Variants in RCCD1 observed in about 807,000 individuals in gnomAD.
RCCD1 encodes the protein RCC1 domain containing 1.
In RCCD1, 40 loss-of-function variants were observed where a neutral mutation model predicts 37.6. The ratio of observed to expected loss-of-function variants is 1.06; its 90% confidence interval spans 0.83 to 1.39. RCCD1 has a LOEUF of 1.39. Ranked by LOEUF, RCCD1 falls within the 40% of genes most tolerant of loss-of-function variation. RCCD1 has a pLI of 0.00. For synonymous variants in RCCD1, 263 were observed against 230.0 expected (o/e 1.14, Z -1.30); for missense variants, 577 against 517.3 (o/e 1.12, Z -1.12).
rs1391134161 is a variant in RCCD1, at chr15:90,957,325, G to A, written c.379G>A (p.Gly127Ser). The A allele has an allele frequency of 6.5e-7, 1 of 1,542,952 alleles. No individual in the cohort carries two copies. The highest frequency in any genetic ancestry group is 8.7e-7 in the Non-Finnish European group (1 of 1,143,048). The change falls in exon 3 of 8, where the codon GGT (glycine) becomes AGT (serine). Residue 127 changes from glycine (G) to serine (S), a missense_variant. Transcript: ENST00000394258. The stretch of plus-strand genomic sequence containing the variant: ...GGCCGAAGGGGAAGACGATCCGGCC[G>A]GTGAGGCCCAGGCTGGGAGGCTACC... The part of the protein sequence containing the change: ...PEAEGEDDPA[G>S]EAQAGRLPLL...
Position 90,957,595 on chromosome 15 carries a change from C to A in RCCD1, c.558-9C>A. 1 of 1,614,046 alleles carries A rather than the reference C, an allele frequency of 6.2e-7. No individual in the cohort carries two copies. The highest frequency in any genetic ancestry group is 8.5e-7 in the Non-Finnish European group (1 of 1,180,016). ...GCGACTGTAGCTGACGACGGTCTCC[C>A]TTGCTCAGGCATGGACAGCTGGGCC... On this transcript the variant is annotated splice_polypyrimidine_tract_variant and intron_variant, in intron 3 of 7. Transcript: ENST00000394258.
chr15:90,960,522 T>C (rs1867220), intron 6 of RCCD1, 24 bp downstream of exon 6: 634,348 of 1,591,534 alleles, frequency 0.4, 154,343 homozygotes, highest in East Asian at 1. Flanking sequence ...GGAGGCACTC[T>C]GCTCCACTCG....
At chr15:90,960,685 TCTTC>T (rs1402817422) in intron 6 of RCCD1, 187 bp downstream of exon 6, 1 of 635,872 alleles carries the variant, frequency 1.6e-6, no homozygotes, top group Non-Finnish European at 2.7e-6. Context: ...CCCAGAAGTT[TCTTC>T]CTTCTGGTGG....
At position 90,960,330 on chromosome 15, in the gene RCCD1, A is replaced by G. The variant is rs2037288279; in HGVS notation, c.781A>G (p.Thr261Ala). The G allele has an allele frequency of 6.2e-7, 1 of 1,600,930 alleles. No homozygotes were observed. Among genetic ancestry groups the G allele is most frequent in the Non-Finnish European group, 8.5e-7 (1 of 1,173,096 alleles). Reference sequence around the variant, plus strand: ...ACATCATTATTATCATTCTGAAGCCACAGAACTGAATGAAGATGGTTCTCA... The same window carrying G: ...ACATCATTATTATCATTCTGAAGCCGCAGAACTGAATGAAGATGGTTCTCA... ...EDGETVAREA[T>A]ELNEDGSQVK... Residue 261 changes from threonine (T) to alanine (A), a missense_variant and splice_region_variant, in exon 6 of 8, where the codon ACA (threonine) becomes GCA (alanine). Transcript: ENST00000394258.
At position 90,961,510 on chromosome 15, in the gene RCCD1, G is replaced by A. The variant is rs1025531401; in HGVS notation, c.980-108G>A. 1.7e-5 allele frequency: 22 copies of A among 1,286,924 alleles called. No homozygotes were observed. In the Admixed American group the frequency reaches 2.6e-4, roughly 15 times the overall value. 79.7% of individuals were successfully genotyped at this position (1,286,924 alleles called of 1,614,324 possible). On this transcript the variant is annotated intron_variant, in intron 7 of 7. Coordinates refer to ENST00000394258, the MANE Select transcript of RCCD1 (RefSeq NM_001017919.2). Reference sequence around the variant, plus strand: ...CTGGGTCTCTTGGATTCACAGAGCAGTGGGGCATAATCCCAGCACTTCATT... The same window carrying A: ...CTGGGTCTCTTGGATTCACAGAGCAATGGGGCATAATCCCAGCACTTCATT...
At chr15:90,959,719 T>C (rs1302622334) in intron 4 of RCCD1, 181 bp from the exon 5 acceptor site, 6 of 483,194 alleles carry the variant, frequency 1.2e-5, no homozygotes, top group East Asian at 6.5e-5. Flanking sequence ...TCTGAAGGCA[T>C]TGAGGGGATG....
chr15:90,958,041 G>A (rs1401886169), intron 4 of RCCD1, among the ~76,000 whole-genome samples: 4 of 152,212 alleles, frequency 2.6e-5, no homozygotes, highest in African/African-American at 7.2e-5. Context: ...GTGTGAGGGG[G>A]CAGCTGAGCC....
chr15:90,961,821 A>T lies in RCCD1; in HGVS notation c.*52A>T. ...ACCTGTGAGACCCCCATTCAGGTCA[A>T]GGAAAACCATTGCCTGCACCCCAAG... is the stretch of plus-strand genomic sequence containing the variant. On this transcript the variant is annotated 3_prime_UTR_variant, in exon 8 of 8. Transcript: ENST00000394258. 1.3e-6 allele frequency: 2 copies of T among 1,567,400 alleles called. No homozygotes were observed. Among genetic ancestry groups the T allele is most frequent in the Non-Finnish European group, 8.7e-7 (1 of 1,151,312 alleles).
chr15:90,961,377 G>A, intron 7 of RCCD1: 2 of 584,640 alleles, frequency 3.4e-6, no homozygotes, highest in South Asian at 2.1e-5. Flanking sequence ...CGATGGAAGT[G>A]TGTGCTCTGA....
At chr15:90,956,518 G>C in intron 1 of RCCD1, 94 bp from the exon 2 acceptor site, 2 of 403,204 alleles carry the variant, frequency 5.0e-6, no homozygotes, top group Non-Finnish European at 8.6e-6. Context: ...TTGTAAATCC[G>C]GTAGGGCATT....
Position 90,957,401 on chromosome 15 carries a change from G to A in RCCD1, c.455G>A (p.Arg152Gln), listed in dbSNP as rs991684350. The A allele has an allele frequency of 1.3e-6, 2 of 1,541,950 alleles. No homozygotes were observed. Among genetic ancestry groups the A allele is most frequent in the African/African-American group, 1.4e-5 (1 of 72,968 alleles). ...GTGAGCCCGCGGGCGCCCTTCTACC[G>A]GCCTCTGGCTCCGGAGCTGCGGGCA... ...AYVSPRAPFY[R>Q]PLAPELRARQ... The change falls in exon 3 of 8, where the codon CGG becomes CAG. Residue 152 changes from arginine (R) to glutamine (Q), a missense_variant. By Grantham distance (43) the Arg-to-Gln change is conservative (BLOSUM62 1). Transcript: ENST00000394258.
chr15:90,960,236 T>C (rs1435823717), intron 5 of RCCD1, 92 bp from the exon 6 acceptor site: 2 of 1,317,660 alleles, frequency 1.5e-6, no homozygotes, highest in African/African-American at 1.5e-5. Flanking sequence ...GGCAGTCGTG[T>C]ACCTCAGAGC....
At chr15:90,960,712 T>G in intron 6 of RCCD1, 2 of 613,516 alleles carry the variant, frequency 3.3e-6, no homozygotes, top group Admixed American at 5.9e-5. Flanking sequence ...GGCTGATGCT[T>G]TCTGTCCTCC....
intron 1 of RCCD1, chr15:90,955,685 C>T (rs1458256212): frequency 6.9e-6 from 1 of 145,762 alleles, no homozygotes; most frequent in Non-Finnish European, 1.5e-5. Context: ...TAGCGAGACC[C>T]CTGTCTCTAT....
In RCCD1 at chr15:90,957,715, G is replaced by A. The variant is rs538651335; in HGVS notation, c.669G>A (p.Val223=). The change falls in exon 4 of 8, where the codon GTG becomes GTA. Residue 223 remains valine, a synonymous_variant. Coordinates refer to ENST00000394258, the MANE Select transcript of RCCD1 (RefSeq NM_001017919.2). ...AEVAAGGWHS[V]CVSETGDIYI... Reference sequence around the variant, plus strand: ...TGGCCGCGGGGGGCTGGCATTCTGTGTGTGTGAGTGGTGAGTGACTTAGTG... The same window carrying A: ...TGGCCGCGGGGGGCTGGCATTCTGTATGTGTGAGTGGTGAGTGACTTAGTG... 26 of 1,609,670 alleles carry A rather than the reference G, an allele frequency of 1.6e-5. No individual in the cohort carries two copies. The East Asian group carries it at 4.0e-4, about 25-fold the overall frequency.
intron 4 of RCCD1, among the ~76,000 whole-genome samples, chr15:90,958,159 T>G (rs546687004): frequency 8.9e-4 from 136 of 152,302 alleles, no homozygotes; most frequent in African/African-American, 3.1e-3. Flanking sequence ...TGTGTCCCTG[T>G]GGTGGTGCCA....
chr15:90,956,249 CCT>C (rs1273427029), intron 1 of RCCD1, among the ~76,000 whole-genome samples: 1 of 152,168 alleles, frequency 6.6e-6, no homozygotes, highest in South Asian at 2.1e-4. Flanking sequence ...GCGCTCTGCC[CCT>C]CTCTGTCTGG....
At chr15:90,961,212 C>A in intron 7 of RCCD1, 158 bp downstream of exon 7, 1 of 685,326 alleles carries the variant, frequency 1.5e-6, no homozygotes, top group Non-Finnish European at 2.5e-6. Flanking sequence ...TTGGAACAGA[C>A]ATAGGCGCGC....
rs929795823 is a variant in RCCD1 at position 90,961,581 on chromosome 15, A to C, written c.980-37A>C. 4.4e-6 allele frequency: 7 copies of C among 1,594,198 alleles called. No individual in the cohort carries two copies. In the African/African-American group the frequency reaches 8.0e-5, roughly 18 times the overall value. ...TGGAGGGAAAGCAGCAGCAAGACCC[A>C]GTGGAGACGATGGCAAAGGGGCTGA... On this transcript the variant is annotated intron_variant, in intron 7 of 7. Transcript: ENST00000394258.
Sources: allele counts gnomAD v4.1 joint callset (sites outside exome capture counted in the v4.1 genomes callset), GRCh38; gene constraint gnomAD v4.1.1; transcripts MANE v1.5; gene names NCBI Gene and HGNC (gene_info 2026-07-23, HGNC 2026-07-21).